The following SEC23IP variants were observed in gnomAD, a reference collection of about 807,000 sequenced individuals.
SEC23IP encodes the protein SEC23 interacting protein.
In SEC23IP, 70 loss-of-function variants were observed where a neutral mutation model predicts 113.4. That is an observed-to-expected ratio of 0.62 (90% CI 0.51 to 0.75). The LOEUF (loss-of-function observed/expected upper bound fraction) is 0.75. Among genes scored for constraint, SEC23IP ranks in the 30% least tolerant of loss-of-function variants. The pLI, the probability that SEC23IP is intolerant of heterozygous loss-of-function variation, is 0.00. For missense variants in SEC23IP, 1,160 were observed against 1,204.9 expected, an observed-to-expected ratio of 0.96 and a Z score of 0.55; for synonymous variants, 398 against 421.0, an observed-to-expected ratio of 0.95 and a Z score of 0.67.
rs1421204801 is a variant in SEC23IP at position 119,943,352 on chromosome 10, CACGGG to C, written c.*2790_*2794del. ...CCTGCTGTTGACTGTCCCTGCGGTG[CACGGG>C]ACAGACTGTCAGCTAACCTGTCTTC... On this transcript the variant is annotated 3_prime_UTR_variant, in exon 19 of 19. Coordinates refer to ENST00000369075, the MANE Select transcript of SEC23IP (RefSeq NM_007190.4). 2 of 152,286 alleles carry C rather than the reference CACGGG, an allele frequency of 1.3e-5. No homozygotes were observed. The highest frequency in any genetic ancestry group is 3.9e-4 in the East Asian group (2 of 5,176). The allele number at this position is 152,286 out of a possible 1,614,324, so 9.4% of individuals were successfully genotyped here.
chr10:119,900,232 A>G (rs1316713128), intron 2 of SEC23IP, among the ~76,000 whole-genome samples: 2 of 151,926 alleles, frequency 1.3e-5, no homozygotes, highest in Non-Finnish European at 2.9e-5. Context: ...ATACTTCAAA[A>G]TGATTTTTTA....
intron 12 of SEC23IP, among the ~76,000 whole-genome samples, chr10:119,924,143 A>G (rs1396402713): frequency 2.0e-5 from 3 of 152,190 alleles, no homozygotes; most frequent in African/African-American, 7.2e-5. Flanking sequence ...CAAGCTGGCT[A>G]AGAGTTTTCT....
chr10:119,924,095 A>T (rs546468143), intron 12 of SEC23IP, among the ~76,000 whole-genome samples: 1 of 152,350 alleles, frequency 6.6e-6, no homozygotes, highest in Admixed American at 6.5e-5. Context: ...GGGCAGAGAT[A>T]ACCAAGCCTT....
chr10:119,939,977 G>A (rs918983060), intron 18 of SEC23IP, among the ~76,000 whole-genome samples: 3 of 151,952 alleles, frequency 2.0e-5, no homozygotes, highest in Admixed American at 2.0e-4. Flanking sequence ...GATTACAGGC[G>A]TGAGCCACAA....
Position 119,919,528 on chromosome 10 carries a change from C to T in SEC23IP, c.1957C>T (p.Leu653=), listed in dbSNP as rs746018065. 6 of 1,613,630 alleles carry T rather than the reference C, an allele frequency of 3.7e-6. No individual in the cohort carries two copies. The Admixed American group carries it at 1.0e-4, about 27-fold the overall frequency. Residue 653 remains leucine, a synonymous_variant, in exon 11 of 19, where the codon CTG becomes TTG. Transcript: ENST00000369075. ...NKEVLTLQET[L]EALSLSEYFS... is the part of the protein sequence containing the mutation. Reference sequence around the variant, plus strand: ...AGAAGTCCTAACTTTGCAAGAAACTCTGGAAGCACTTAGCCTCTCTGAATA... The same window carrying T: ...AGAAGTCCTAACTTTGCAAGAAACTTTGGAAGCACTTAGCCTCTCTGAATA...
chr10:119,931,845 C>CCTGG (rs60660214), intron 15 of SEC23IP, among the ~76,000 whole-genome samples: 8,357 of 151,940 alleles, frequency 0.055, 416 homozygotes, highest in South Asian at 0.27. Flanking sequence ...AGACACCGCG[C>CCTGG]CTGAATGTGC....
chr10:119,939,492 T>C (rs1855895566), intron 18 of SEC23IP, among the ~76,000 whole-genome samples: 1 of 151,640 alleles, frequency 6.6e-6, no homozygotes, highest in South Asian at 2.1e-4. Flanking sequence ...CCTGGCCAAA[T>C]AGTGAAATCT....
chr10:119,896,064 G>C (rs1197720143), intron 1 of SEC23IP, among the ~76,000 whole-genome samples: 2 of 152,208 alleles, frequency 1.3e-5, no homozygotes, highest in Non-Finnish European at 2.9e-5. Flanking sequence ...GGATTCAGTT[G>C]GGAGGCATAG....
At chr10:119,912,274 G>A in intron 6 of SEC23IP, 110 bp downstream of exon 6, 2 of 1,132,150 alleles carry the variant, frequency 1.8e-6, no homozygotes, top group Non-Finnish European at 1.3e-6. Context: ...TGCCACAGCA[G>A]CCATTGCACC....
chr10:119,929,927 G>T (rs1855540985), intron 14 of SEC23IP, among the ~76,000 whole-genome samples, 165 bp downstream of exon 14: 1 of 152,144 alleles, frequency 6.6e-6, no homozygotes, highest in South Asian at 2.1e-4. Flanking sequence ...AGGATTATAG[G>T]CGTGAGCCAC....
chr10:119,918,254 C>A, intron 9 of SEC23IP, 139 bp from the exon 10 acceptor site: 1 of 678,500 alleles, frequency 1.5e-6, no homozygotes. Flanking sequence ...CTTTATTCTG[C>A]TGTTTGATAA....
intron 4 of SEC23IP, among the ~76,000 whole-genome samples, chr10:119,907,736 AG>A (rs1449167928): frequency 2.0e-5 from 3 of 152,214 alleles, no homozygotes; most frequent in Admixed American, 6.5e-5. Context: ...GGATCATCTG[AG>A]GTCAGGAGTT....
chr10:119,919,359 T>TAA, intron 10 of SEC23IP, 85 bp from the exon 11 acceptor site: 1 of 1,259,358 alleles, frequency 7.9e-7, no homozygotes, highest in African/African-American at 1.5e-5. Flanking sequence ...TAAAGCAAAA[T>TAA]TGTTTGAGAG....
At position 119,938,414 on chromosome 10, in the gene SEC23IP, CATGTAGT is replaced by C. The variant is rs369761826; in HGVS notation, c.*21-2171_*21-2165del. On this transcript the variant is annotated intron_variant, in intron 18 of 18. Transcript: ENST00000369075. ...GCAGGCCTCTTTGCCATCCCTTCTG[CATGTAGT>C]TGCTTGCTTTTATCCCTCATTGAGA... 8.3e-3 allele frequency among the ~76,000 whole-genome samples: 1,262 copies of C among 152,234 alleles called. 14 individuals are homozygous for C. The highest frequency in any genetic ancestry group is 0.028 in the African/African-American group (1,183 of 41,526).
intron 18 of SEC23IP, among the ~76,000 whole-genome samples, chr10:119,939,240 G>C (rs7097485): frequency 0.54 from 82,263 of 151,720 alleles, 22,699 homozygotes; most frequent in East Asian, 0.63. Flanking sequence ...GATTGCTGGA[G>C]TTCGGGAGAT....
At chr10:119,929,507 T>G (rs1855524087) in intron 13 of SEC23IP, 100 bp from the exon 14 acceptor site, 2 of 956,644 alleles carry the variant, frequency 2.1e-6, no homozygotes, top group Admixed American at 3.9e-5. Flanking sequence ...GTGCTGGGAT[T>G]ACAGGCATGA....
At chr10:119,893,597 G>A (rs995310002) in intron 1 of SEC23IP, among the ~76,000 whole-genome samples, 7 of 139,954 alleles carry the variant, frequency 5.0e-5, no homozygotes, top group African/African-American at 1.6e-4. Context: ...TCGGCTCACT[G>A]CAGCCTCCAC....
At chr10:119,929,434 C>T (rs1855521440) in intron 13 of SEC23IP, among the ~76,000 whole-genome samples, 173 bp from the exon 14 acceptor site, 1 of 152,122 alleles carries the variant, frequency 6.6e-6, no homozygotes. Context: ...CAGGGTTTCA[C>T]TGTGTTAGCC....
intron 5 of SEC23IP, among the ~76,000 whole-genome samples, chr10:119,910,208 G>A (rs1361620699): frequency 1.3e-5 from 2 of 152,154 alleles, no homozygotes; most frequent in Non-Finnish European, 2.9e-5. Context: ...ATGCCTGTCT[G>A]CCCTTGATGT....
Sources: allele counts gnomAD v4.1 joint callset (sites outside exome capture counted in the v4.1 genomes callset), GRCh38; gene constraint gnomAD v4.1.1; transcripts MANE v1.5; gene names NCBI Gene and HGNC (gene_info 2026-07-23, HGNC 2026-07-21).